The following GALNT17 variants were observed in gnomAD, a reference collection of about 807,000 sequenced individuals.
The protein encoded by GALNT17 is UDP-GalNAc:polypeptide N-acetylgalactosaminyltransferase-like 3.
In GALNT17, 29 loss-of-function variants were observed where a neutral mutation model predicts 63.7. That is an observed-to-expected ratio of 0.46 (90% CI 0.34 to 0.62). The LOEUF (loss-of-function observed/expected upper bound fraction) is 0.62. Among genes scored for constraint, GALNT17 ranks in the 20% least tolerant of loss-of-function variants. GALNT17 has a pLI of 0.01. For missense variants in GALNT17, 603 were observed against 799.6 expected (o/e 0.75, Z 2.97); for synonymous variants, 305 against 318.3 (o/e 0.96, Z 0.45).
chr7:71,424,905 G>T (rs984163543), intron 5 of GALNT17, among the ~76,000 whole-genome samples: 1 of 152,152 alleles, frequency 6.6e-6, no homozygotes, highest in Non-Finnish European at 1.5e-5. Context: ...AGACTTCCCG[G>T]TAAGCAACAT....
At chr7:71,182,803 C>T (rs1412728712) in intron 1 of GALNT17, among the ~76,000 whole-genome samples, 2 of 152,074 alleles carry the variant, frequency 1.3e-5, no homozygotes, top group East Asian at 3.9e-4. Flanking sequence ...TGCTAACCTG[C>T]AAAATTATGA....
At chr7:71,639,357 G>A (rs1366573850) in intron 6 of GALNT17, among the ~76,000 whole-genome samples, 1 of 152,132 alleles carries the variant, frequency 6.6e-6, no homozygotes, top group Non-Finnish European at 1.5e-5. Flanking sequence ...CTCTTGTTCG[G>A]TGTTCACACT....
At chr7:71,637,885 G>A (rs562284508) in intron 6 of GALNT17, among the ~76,000 whole-genome samples, 1 of 152,326 alleles carries the variant, frequency 6.6e-6, no homozygotes, top group African/African-American at 2.4e-5. Context: ...GCAAGCCATA[G>A]AGTTAAGTGA....
At chr7:71,459,185 G>C (rs4394286) in intron 5 of GALNT17, among the ~76,000 whole-genome samples, 48 of 152,146 alleles carry the variant, frequency 3.2e-4, no homozygotes, top group Non-Finnish European at 1.0e-4. Context: ...TACAGAAGAA[G>C]AATAGGTTCA....
chr7:71,568,185 G>C (rs1053813738), intron 5 of GALNT17, among the ~76,000 whole-genome samples: 1 of 152,146 alleles, frequency 6.6e-6, no homozygotes, highest in South Asian at 2.1e-4. Context: ...TTTCTAAAGC[G>C]TGCAGTAAAG....
At position 71,574,961 on chromosome 7, in the gene GALNT17, G is replaced by A. The variant is rs77395097; in HGVS notation, c.1080+3559G>A. Reference sequence around the variant, plus strand: ...CCATGGCCACACTGGCCCAAAGTGAGTCCTTTCTTCTCACTCCAGCCTACA... The same window carrying A: ...CCATGGCCACACTGGCCCAAAGTGAATCCTTTCTTCTCACTCCAGCCTACA... On this transcript the variant is annotated intron_variant, in intron 6 of 10. Coordinates refer to ENST00000333538, the MANE Select transcript of GALNT17 (RefSeq NM_022479.3). Among the ~76,000 whole-genome samples, 139 of 152,266 alleles carry A rather than the reference G, an allele frequency of 9.1e-4. 3 individuals are homozygous for A. In the East Asian group the frequency reaches 0.026, roughly 28 times the overall value.
chr7:71,571,173 G>C (rs1789435797), intron 5 of GALNT17, 112 bp from the exon 6 acceptor site: 5 of 838,466 alleles, frequency 6.0e-6, no homozygotes, highest in Non-Finnish European at 1.0e-5. Flanking sequence ...GTACATGCTA[G>C]GCTGGAACCA....
intron 1 of GALNT17, among the ~76,000 whole-genome samples, chr7:71,146,737 C>G (rs777573425): frequency 6.6e-6 from 1 of 152,316 alleles, no homozygotes; most frequent in Middle Eastern, 3.4e-3. Flanking sequence ...GGATGACAAT[C>G]GGCTGAGCCA....
At chr7:71,250,665 A>G (rs1015930230) in intron 1 of GALNT17, among the ~76,000 whole-genome samples, 4 of 152,224 alleles carry the variant, frequency 2.6e-5, no homozygotes, top group Non-Finnish European at 5.9e-5. Flanking sequence ...CATTTAGTTC[A>G]GAATATAAAT....
intron 1 of GALNT17, among the ~76,000 whole-genome samples, chr7:71,201,677 C>T (rs1289687898): frequency 6.7e-6 from 1 of 149,898 alleles, no homozygotes; most frequent in African/African-American, 2.5e-5. Flanking sequence ...TGTCACCAGG[C>T]TGGAGTGCAA....
intron 6 of GALNT17, among the ~76,000 whole-genome samples, chr7:71,607,588 A>G (rs1028473944): frequency 5.3e-5 from 8 of 152,222 alleles, no homozygotes; most frequent in Non-Finnish European, 1.2e-4. Flanking sequence ...TTTGTTGTTA[A>G]TTTCCACTGA....
intron 5 of GALNT17, among the ~76,000 whole-genome samples, chr7:71,433,685 A>G (rs978038067): frequency 3.3e-5 from 5 of 152,302 alleles, no homozygotes; most frequent in Admixed American, 3.3e-4. Context: ...AGAGTACAGC[A>G]GGTGATCCAA....
intron 5 of GALNT17, among the ~76,000 whole-genome samples, chr7:71,546,821 G>A (rs1788992495): frequency 6.6e-6 from 1 of 152,088 alleles, no homozygotes; most frequent in South Asian, 2.1e-4. Context: ...CTCAGACCCT[G>A]GAAGTCATGG....
At chr7:71,173,955 G>T (rs770163768) in intron 1 of GALNT17, among the ~76,000 whole-genome samples, 1 of 152,148 alleles carries the variant, frequency 6.6e-6, no homozygotes, top group South Asian at 2.1e-4. Flanking sequence ...TGAATGGGAG[G>T]TCAGGAGAGA....
intron 1 of GALNT17, among the ~76,000 whole-genome samples, chr7:71,321,506 C>T (rs993657443): frequency 2.6e-5 from 4 of 152,200 alleles, no homozygotes; most frequent in Non-Finnish European, 5.9e-5. Context: ...AGAGCATTGC[C>T]TTAAGGCATG....
At chr7:71,338,238 A>G (rs1456524277) in intron 2 of GALNT17, among the ~76,000 whole-genome samples, 1 of 151,834 alleles carries the variant, frequency 6.6e-6, no homozygotes, top group Admixed American at 6.6e-5. Context: ...GAGGCAGGAG[A>G]ATGGCGTGAA....
intron 1 of GALNT17, among the ~76,000 whole-genome samples, chr7:71,280,585 A>G (rs1790762719): frequency 6.6e-6 from 1 of 152,194 alleles, no homozygotes. Flanking sequence ...ATTAGCGCTT[A>G]TAACTGAGAA....
At chr7:71,487,608 T>A (rs983402205) in intron 5 of GALNT17, among the ~76,000 whole-genome samples, 1 of 151,982 alleles carries the variant, frequency 6.6e-6, no homozygotes, top group Non-Finnish European at 1.5e-5. Flanking sequence ...CCCATCTCTA[T>A]AAAAGAATTA....
chr7:71,355,370 A>G (rs1334266906), intron 2 of GALNT17, among the ~76,000 whole-genome samples: 1 of 152,100 alleles, frequency 6.6e-6, no homozygotes, highest in Admixed American at 6.6e-5. Flanking sequence ...ACTGATTGTG[A>G]TATGTGGTGT....
Sources: allele counts gnomAD v4.1 joint callset (sites outside exome capture counted in the v4.1 genomes callset), GRCh38; gene constraint gnomAD v4.1.1; transcripts MANE v1.5; gene names NCBI Gene and HGNC (gene_info 2026-07-23, HGNC 2026-07-21).